The following CDYL variants were observed in gnomAD, a reference collection of about 807,000 sequenced individuals.
CDYL encodes chromodomain Y like.
A neutral mutation model predicts 47.3 loss-of-function variants in CDYL; 8 were observed. The observed-to-expected ratio is 0.17, with a 90% CI of 0.10 to 0.31. The LOEUF is 0.31. Among genes scored for constraint, CDYL ranks in the 10% least tolerant of loss-of-function variants. The pLI, the probability that CDYL is intolerant of heterozygous loss-of-function variation, is 1.00. For missense variants in CDYL, 471 were observed against 701.4 expected, an observed-to-expected ratio of 0.67 and a Z score of 3.71; for synonymous variants, 266 against 265.0, an observed-to-expected ratio of 1.00 and a Z score of -0.04.
chr6:4,873,997 A>T (rs1317759698), intron 1 of CDYL, among the ~76,000 whole-genome samples: 2 of 152,092 alleles, frequency 1.3e-5, no homozygotes, highest in African/African-American at 4.8e-5. Flanking sequence ...CCTTAGCTAC[A>T]TTCCCAAACC....
chr6:4,720,780 C>A (rs1012081024), intron 2 of CDYL, among the ~76,000 whole-genome samples: 1 of 152,184 alleles, frequency 6.6e-6, no homozygotes, highest in Admixed American at 6.5e-5. Flanking sequence ...AGCTCTCCTG[C>A]TGGAAAATAA....
chr6:4,910,019 A>G (rs937374970), intron 2 of CDYL, among the ~76,000 whole-genome samples: 3 of 136,600 alleles, frequency 2.2e-5, no homozygotes, highest in South Asian at 2.5e-4. Flanking sequence ...TCATATATAT[A>G]CATATACACA....
At chr6:4,715,966 T>C in intron 2 of CDYL, 1 of 1,533,328 alleles carries the variant, frequency 6.5e-7, no homozygotes. Flanking sequence ...ATGATTTTAC[T>C]GGCCGGGCAC....
rs754188736 is a variant in CDYL at position 4,803,733 on chromosome 6, A to ATT, written c.24+26945_24+26946dup. Among the ~76,000 whole-genome samples, 632 of 119,966 alleles carry ATT rather than the reference A, an allele frequency of 5.3e-3. 1 individual carries two copies. Among genetic ancestry groups the ATT allele is most frequent in the African/African-American group, 0.015 (482 of 32,446 alleles). The allele number at this position is 119,966 out of a possible 152,430, so 78.7% of individuals were successfully genotyped here. ...GCTTCAGACTTGGCTCACTTTCCTG[A>ATT]TTTTTTTTTTTTTTTTTTTTAGTTT... On this transcript the variant is annotated intron_variant, in intron 1 of 6. Transcript: ENST00000397588.
At chr6:4,934,872 G>T (rs1284281561) in intron 2 of CDYL, among the ~76,000 whole-genome samples, 2 of 152,164 alleles carry the variant, frequency 1.3e-5, no homozygotes, top group African/African-American at 2.4e-5. Flanking sequence ...TTTATGTGGT[G>T]GGGGAGAGGA....
intron 1 of CDYL, chr6:4,890,152 A>G: frequency 2.0e-6 from 2 of 985,444 alleles, no homozygotes; most frequent in Non-Finnish European, 2.4e-6. Flanking sequence ...GGCAGGGGGA[A>G]CATTAAACAT....
At chr6:4,912,607 A>G (rs1025583493) in intron 2 of CDYL, among the ~76,000 whole-genome samples, 2 of 152,246 alleles carry the variant, frequency 1.3e-5, no homozygotes, top group African/African-American at 4.8e-5. Context: ...TTCTCAGTCC[A>G]TTTTCAGATA....
At chr6:4,722,529 C>G (rs777978703) in intron 2 of CDYL, among the ~76,000 whole-genome samples, 3 of 152,206 alleles carry the variant, frequency 2.0e-5, no homozygotes, top group Non-Finnish European at 4.4e-5. Context: ...CAGTGACCAA[C>G]TCATCCTGGT....
intron 2 of CDYL, among the ~76,000 whole-genome samples, chr6:4,893,668 G>T (rs1201662213): frequency 1.3e-5 from 2 of 151,838 alleles, no homozygotes; most frequent in Non-Finnish European, 2.9e-5. Context: ...ACTCCAGCCA[G>T]GGTGACAGAG....
intron 1 of CDYL, among the ~76,000 whole-genome samples, chr6:4,874,725 G>A (rs985768570): frequency 6.6e-6 from 1 of 152,146 alleles, no homozygotes; most frequent in African/African-American, 2.4e-5. Flanking sequence ...GGCTCCCATC[G>A]CCCCATCACC....
chr6:4,867,772 GTTT>G (rs36074293), intron 1 of CDYL, among the ~76,000 whole-genome samples: 5 of 132,086 alleles, frequency 3.8e-5, no homozygotes, highest in African/African-American at 1.1e-4. Flanking sequence ...TTGTTGTGGG[GTTT>G]TTTTTTTTTT....
intron 1 of CDYL, among the ~76,000 whole-genome samples, chr6:4,781,804 C>T (rs1230038326): frequency 6.6e-6 from 1 of 152,130 alleles, no homozygotes; most frequent in East Asian, 1.9e-4. Context: ...ATTCACAAAG[C>T]CAGGCCTCAA....
At chr6:4,924,487 C>T (rs545739837) in intron 2 of CDYL, among the ~76,000 whole-genome samples, 31 of 152,302 alleles carry the variant, frequency 2.0e-4, no homozygotes, top group Admixed American at 2.0e-3. Flanking sequence ...TTTACACCTC[C>T]TCTGTTCTCA....
At chr6:4,856,857 C>T (rs1324441778) in intron 1 of CDYL, among the ~76,000 whole-genome samples, 1 of 152,148 alleles carries the variant, frequency 6.6e-6, no homozygotes, top group Middle Eastern at 3.2e-3. Flanking sequence ...AATTTTTGCA[C>T]ATTTCCTCAC....
At chr6:4,715,926 A>C in intron 2 of CDYL, 1 of 1,589,814 alleles carries the variant, frequency 6.3e-7, no homozygotes, top group Non-Finnish European at 8.6e-7. Flanking sequence ...CAGTAGGCAG[A>C]ATTCTTAGAG....
At chr6:4,893,582 G>A (rs980504054) in intron 2 of CDYL, among the ~76,000 whole-genome samples, 25 of 152,210 alleles carry the variant, frequency 1.6e-4, no homozygotes, top group African/African-American at 6.0e-4. Context: ...AATCCCGGCT[G>A]CTCAGGAGGG....
intron 1 of CDYL, among the ~76,000 whole-genome samples, chr6:4,884,262 G>A (rs892491659): frequency 6.6e-6 from 1 of 152,198 alleles, no homozygotes; most frequent in African/African-American, 2.4e-5. Context: ...TTGCTAAGGT[G>A]GACCCTGATG....
At chr6:4,865,235 C>T (rs1273805332) in intron 1 of CDYL, among the ~76,000 whole-genome samples, 1 of 152,172 alleles carries the variant, frequency 6.6e-6, no homozygotes, top group East Asian at 1.9e-4. Context: ...CTGAATCATC[C>T]TGGGTCACCT....
At chr6:4,826,821 AGTGT>A (rs1759994019) in intron 1 of CDYL, among the ~76,000 whole-genome samples, 1 of 152,186 alleles carries the variant, frequency 6.6e-6, no homozygotes, top group African/African-American at 2.4e-5. Context: ...TGTTTGGTGA[AGTGT>A]TAGGTCTAGT....
Sources: allele counts gnomAD v4.1 joint callset (sites outside exome capture counted in the v4.1 genomes callset), GRCh38; gene constraint gnomAD v4.1.1; transcripts MANE v1.5; gene names NCBI Gene and HGNC (gene_info 2026-07-23, HGNC 2026-07-21).